Variants in BRF1 observed in about 807,000 individuals in gnomAD.
BRF1 encodes the protein transcription factor IIIB 90 kDa subunit.
In BRF1, 59 loss-of-function variants were observed where a neutral mutation model predicts 81.7. That is an observed-to-expected ratio of 0.72 (90% CI 0.59 to 0.90). BRF1 has a LOEUF of 0.90. Ranked by LOEUF, BRF1 falls within the 40% of genes least tolerant of loss-of-function variation. The pLI, the probability that BRF1 is intolerant of heterozygous loss-of-function variation, is 0.00. For missense variants in BRF1, 1,050 were observed against 936.3 expected (o/e 1.12, Z -1.58); for synonymous variants, 491 against 395.6 (o/e 1.24, Z -2.86).
Position 105,241,750 on chromosome 14 carries a change from C to T in BRF1, c.545-336G>A, listed in dbSNP as rs1030487169. ...TCCAGACCATGCAGACAGCACCACA[C>T]GCAACAACGGTCCGGGGACTCTTAG... is the stretch of plus-strand genomic sequence containing the variant. On this transcript the variant is annotated intron_variant, in intron 5 of 17. Transcript: ENST00000547530. The T allele has an allele frequency of 6.8e-5, 24 of 354,706 alleles. 1 individual carries two copies. The highest frequency in any genetic ancestry group is 1.6e-4 in the African/African-American group (8 of 48,638). 22.0% of individuals were successfully genotyped at this position (354,706 alleles called of 1,614,324 possible).
At position 105,220,224 on chromosome 14, in the gene BRF1, G is replaced by C. The variant is rs1205320788; in HGVS notation, c.1316-94C>G. 4.1e-6 allele frequency: 6 copies of C among 1,463,338 alleles called. No individual in the cohort carries two copies. The Admixed American group carries it at 8.6e-5, about 21-fold the overall frequency. 90.6% of individuals were successfully genotyped at this position (1,463,338 alleles called of 1,614,324 possible). ...GGCTGGCTCAGGACCCTGGGTCTGG[G>C]CTAAGGGCTTTCTAGAACCCCGTCC... On this transcript the variant is annotated intron_variant, in intron 11 of 17. Transcript: ENST00000547530.
At chr14:105,249,179 G>A (rs755334763) in intron 5 of BRF1, 1 of 1,586,804 alleles carries the variant, frequency 6.3e-7, no homozygotes, top group East Asian at 2.3e-5. Flanking sequence ...GTTCAACAAC[G>A]AGCTCATGGC....
rs1185088264 is a variant in BRF1, at chr14:105,286,312, C to A, written c.249G>T (p.Ala83=). Residue 83 remains alanine (A), a synonymous_variant, in exon 2 of 18, where the codon GCG becomes GCT. Transcript: ENST00000547530. The part of the protein sequence containing the change: ...FHVNLGKESR[A]QTLQNGRRHI... Reference sequence around the variant, plus strand: ...GGGAAATACCATTCTGCAGGGTCTGCGCTCTCGACTCCTTCCCCAGATTCA... The same window carrying A: ...GGGAAATACCATTCTGCAGGGTCTGAGCTCTCGACTCCTTCCCCAGATTCA... The A allele has an allele frequency of 1.2e-6, 2 of 1,613,408 alleles. No individual in the cohort carries two copies. Among genetic ancestry groups the A allele is most frequent in the South Asian group, 1.1e-5 (1 of 90,808 alleles).
intron 10 of BRF1, among the ~76,000 whole-genome samples, chr14:105,224,633 G>A (rs1474433668): frequency 6.6e-6 from 1 of 152,116 alleles, no homozygotes; most frequent in African/African-American, 2.4e-5. Flanking sequence ...ACTGCACATC[G>A]AACTCCTGGG....
In BRF1 at chr14:105,220,064, C is replaced by T. The variant is rs587683817; in HGVS notation, c.1377+5G>A. ...CCCCTCTTGGGAAGGGGTGCTGCCA[C>T]GTACCCTGTCAATCTCCAGGTCATC... On this transcript the variant is annotated splice_donor_5th_base_variant and intron_variant, in intron 12 of 17. Transcript: ENST00000547530. The T allele has an allele frequency of 9.9e-6, 16 of 1,612,302 alleles. No homozygotes were observed. In the East Asian group the frequency reaches 1.6e-4, roughly 16 times the overall value.
At chr14:105,267,264 T>A (rs918835534) in intron 3 of BRF1, among the ~76,000 whole-genome samples, 1 of 151,676 alleles carries the variant, frequency 6.6e-6, no homozygotes, top group Non-Finnish European at 1.5e-5. Flanking sequence ...ACGCTGGGTG[T>A]GCCGGTGTTT....
chr14:105,301,617 C>T (rs587658791), upstream of BRF1, among the ~76,000 whole-genome samples: 11 of 152,374 alleles, frequency 7.2e-5, no homozygotes, highest in South Asian at 1.9e-3. Context: ...CCGCTCCGCT[C>T]GCCCAGGTTC....
intron 15 of BRF1, 33 bp downstream of exon 15, chr14:105,217,511 G>T (rs776433092): frequency 6.3e-7 from 1 of 1,599,650 alleles, no homozygotes; most frequent in South Asian, 1.1e-5. Flanking sequence ...CTGGGCTGCT[G>T]CCCTAACCCA....
chr14:105,249,639 G>A (rs2140289324), intron 5 of BRF1: 1 of 1,604,580 alleles, frequency 6.2e-7, no homozygotes, highest in Non-Finnish European at 8.5e-7. Context: ...GCCTCGCCTA[G>A]GTACATGTAC....
chr14:105,219,175 C>A lies in BRF1; in HGVS notation c.1435G>T (p.Ala479Ser). The change falls in exon 13 of 18, where the codon GCC becomes TCC. Residue 479 changes from alanine (A) to serine (S), a missense_variant. This residue lies in a region of BRF1 where 1,043 missense variants were observed against 915.4 expected (regional missense o/e 1.14). Transcript: ENST00000547530. ...VKAELWMREN[A>S]EYLREQREKE... Reference sequence around the variant, plus strand: ...CCCCTCTGTTCCCGCAGGTACTCGGCGTTCTCCCTCATCCACAGCTCGGCC... The same window carrying A: ...CCCCTCTGTTCCCGCAGGTACTCGGAGTTCTCCCTCATCCACAGCTCGGCC... 1 of 1,612,396 alleles carries A rather than the reference C, an allele frequency of 6.2e-7. No individual in the cohort carries two copies. Among genetic ancestry groups the A allele is most frequent in the Non-Finnish European group, 8.5e-7 (1 of 1,178,706 alleles).
intron 5 of BRF1, 144 bp from the exon 6 acceptor site, chr14:105,241,558 G>A (rs2054648209): frequency 4.6e-6 from 5 of 1,089,036 alleles, no homozygotes; most frequent in Non-Finnish European, 6.6e-6. Context: ...CCTGGACAAA[G>A]CCTCTCTGAC....
intron 1 of BRF1, among the ~76,000 whole-genome samples, chr14:105,291,543 A>G (rs1184599505): frequency 6.6e-6 from 1 of 150,806 alleles, no homozygotes; most frequent in Non-Finnish European, 1.5e-5. Context: ...TTAGCCAGGC[A>G]TGGTGGTGTG....
At chr14:105,262,034 G>GC (rs1300898773) in intron 3 of BRF1, among the ~76,000 whole-genome samples, 1 of 152,166 alleles carries the variant, frequency 6.6e-6, no homozygotes, top group Non-Finnish European at 1.5e-5. Flanking sequence ...GTAGTGCCCA[G>GC]CCCCAACCCA....
intron 16 of BRF1, 150 bp downstream of exon 16, chr14:105,211,963 C>T (rs1890186107): frequency 1.6e-6 from 2 of 1,217,806 alleles, no homozygotes; most frequent in Admixed American, 4.2e-5. Flanking sequence ...GGCCTCGATT[C>T]TCTGGCCATG....
In BRF1 at chr14:105,228,561, A is replaced by G. The variant is rs748037677; in HGVS notation, c.788+259T>C. Among the ~76,000 whole-genome samples the G allele has an allele frequency of 2.7e-5, 4 of 149,124 alleles. No homozygotes were observed. The South Asian group carries it at 8.7e-4, about 32-fold the overall frequency. ...TGTTCCTCAAAAAAAAAAAAAAAAT[A>G]CAGGGATCGGAGGAGGAGGATGCCT... On this transcript the variant is annotated intron_variant, in intron 7 of 17. Coordinates refer to ENST00000547530, the MANE Select transcript of BRF1 (RefSeq NM_001519.4).
intron 10 of BRF1, among the ~76,000 whole-genome samples, chr14:105,223,687 A>G (rs990459066): frequency 4.6e-5 from 7 of 152,338 alleles, no homozygotes; most frequent in African/African-American, 1.7e-4. Flanking sequence ...TGGGAGCCAC[A>G]GATCTGTGGG....
intron 1 of BRF1, among the ~76,000 whole-genome samples, chr14:105,312,788 C>T (rs114212515): frequency 0.014 from 2,073 of 152,308 alleles, 53 homozygotes; most frequent in African/African-American, 0.047. Flanking sequence ...CACCACCATC[C>T]CACCTTAAAA....
intron 10 of BRF1, 66 bp from the exon 11 acceptor site, chr14:105,221,980 A>G: frequency 6.7e-7 from 1 of 1,491,378 alleles, no homozygotes; most frequent in Non-Finnish European, 8.9e-7. Flanking sequence ...GTGACAAAAA[A>G]CAATGCTACC....
chr14:105,248,324 C>T, intron 5 of BRF1: 1 of 985,506 alleles, frequency 1.0e-6, no homozygotes, highest in Non-Finnish European at 1.2e-6. Flanking sequence ...CAAAAGATCG[C>T]TAACTGAAGA....
Sources: gnomAD v4.1 joint callset for allele counts (sites outside exome capture counted in the v4.1 genomes callset) on GRCh38, gnomAD v4.1.1 for gene constraint, gnomAD v4.1.1 regional missense constraint, MANE v1.5 for transcripts, NCBI Gene and HGNC (gene_info 2026-07-23, HGNC 2026-07-21) for gene names.